UBE2E3: variants seen among roughly 807,000 people sequenced by gnomAD.
The protein encoded by UBE2E3 is ubiquitin conjugating enzyme E2 E3.
In UBE2E3, 5 loss-of-function variants were observed where a neutral mutation model predicts 23.6. That is an observed-to-expected ratio of 0.21 (90% confidence interval 0.11 to 0.44). The LOEUF (loss-of-function observed/expected upper bound fraction) is 0.44. Among genes scored for constraint, UBE2E3 ranks in the 20% least tolerant of loss-of-function variants. UBE2E3 has a pLI of 0.99. For missense variants in UBE2E3, 81 were observed against 249.8 expected, an observed-to-expected ratio of 0.32 and a Z score of 4.55; for synonymous variants, 78 against 87.5, an observed-to-expected ratio of 0.89 and a Z score of 0.60.
chr2:180,989,195 C>G (rs1289666805), intron 3 of UBE2E3, among the ~76,000 whole-genome samples: 1 of 151,994 alleles, frequency 6.6e-6, no homozygotes, highest in Non-Finnish European at 1.5e-5. Flanking sequence ...TTTCAACAAG[C>G]TAATAGTTTC....
chr2:181,005,878 C>T (rs1685134706), intron 3 of UBE2E3, among the ~76,000 whole-genome samples: 1 of 152,152 alleles, frequency 6.6e-6, no homozygotes, highest in Admixed American at 6.5e-5. Context: ...TTACCAAACA[C>T]AGGTTTATGT....
At chr2:180,991,600 A>G (rs1455810607) in intron 3 of UBE2E3, among the ~76,000 whole-genome samples, 1 of 152,238 alleles carries the variant, frequency 6.6e-6, no homozygotes. Flanking sequence ...ATTGTGGCAC[A>G]ACACAAACTC....
chr2:181,016,802 C>G (rs1260724308), intron 3 of UBE2E3, among the ~76,000 whole-genome samples: 8 of 152,088 alleles, frequency 5.3e-5, no homozygotes. Context: ...TAAATAAGAA[C>G]AAAACTTAAC....
intron 3 of UBE2E3, among the ~76,000 whole-genome samples, chr2:181,004,005 C>A (rs1270640398): frequency 6.6e-6 from 1 of 152,200 alleles, no homozygotes; most frequent in African/African-American, 2.4e-5. Context: ...GTCTGTCTGA[C>A]TGAAGGTCAT....
At chr2:181,062,128 T>C (rs1687173511) in intron 5 of UBE2E3, among the ~76,000 whole-genome samples, 2 of 151,690 alleles carry the variant, frequency 1.3e-5, no homozygotes. Context: ...AACAATTGTT[T>C]GCCAGGGAAA....
chr2:181,000,242 T>A (rs1351301115), intron 3 of UBE2E3, among the ~76,000 whole-genome samples: 1 of 152,228 alleles, frequency 6.6e-6, no homozygotes, highest in Non-Finnish European at 1.5e-5. Context: ...TTCTACAACA[T>A]GGGGTTAAGA....
chr2:181,046,473 T>A (rs1310558169), intron 3 of UBE2E3, among the ~76,000 whole-genome samples: 2 of 152,160 alleles, frequency 1.3e-5, no homozygotes, highest in Non-Finnish European at 2.9e-5. Flanking sequence ...GCTTGACACA[T>A]TTATCAACTG....
chr2:180,983,541 T>C (rs1373439106), intron 2 of UBE2E3, among the ~76,000 whole-genome samples: 1 of 152,266 alleles, frequency 6.6e-6, no homozygotes, highest in Non-Finnish European at 1.5e-5. Flanking sequence ...TTTGAAAGTT[T>C]TTCACAAGTA....
intron 3 of UBE2E3, among the ~76,000 whole-genome samples, chr2:180,985,459 T>G (rs1212182363): frequency 1.3e-5 from 2 of 152,208 alleles, no homozygotes; most frequent in Non-Finnish European, 2.9e-5. Context: ...AATAATATTT[T>G]GGATATATTT....
chr2:181,031,224 G>A (rs1346963062), intron 3 of UBE2E3, among the ~76,000 whole-genome samples: 3 of 151,918 alleles, frequency 2.0e-5, no homozygotes, highest in African/African-American at 7.3e-5. Context: ...TCTCTTCTCT[G>A]ATTGTTACAT....
chr2:181,058,860 C>G (rs1399099668), intron 4 of UBE2E3, among the ~76,000 whole-genome samples: 4 of 151,728 alleles, frequency 2.6e-5, no homozygotes, highest in Non-Finnish European at 5.9e-5. Context: ...CATTTACTCT[C>G]AATTACAGCT....
At chr2:181,049,879 A>G (rs1686773587) in intron 3 of UBE2E3, among the ~76,000 whole-genome samples, 1 of 152,046 alleles carries the variant, frequency 6.6e-6, no homozygotes, top group Admixed American at 6.6e-5. Context: ...TAAACAAAAG[A>G]CTATGAAATA....
At chr2:181,048,944 A>G (rs1013885167) in intron 3 of UBE2E3, among the ~76,000 whole-genome samples, 1 of 152,096 alleles carries the variant, frequency 6.6e-6, no homozygotes. Flanking sequence ...AGCCGCCTTG[A>G]TAAGGTTGTT....
intron 3 of UBE2E3, among the ~76,000 whole-genome samples, chr2:181,008,112 A>G (rs1339307134): frequency 6.6e-6 from 1 of 152,212 alleles, no homozygotes; most frequent in Non-Finnish European, 1.5e-5. Flanking sequence ...GGTGATAAAA[A>G]TAAGCAGTTG....
intron 3 of UBE2E3, among the ~76,000 whole-genome samples, chr2:181,012,288 A>G (rs2105609708): frequency 6.6e-6 from 1 of 152,312 alleles, no homozygotes; most frequent in East Asian, 1.9e-4. Context: ...TTCAAATATA[A>G]CTGAAGCAAA....
intron 3 of UBE2E3, among the ~76,000 whole-genome samples, chr2:181,009,924 GTTTT>G (rs1685268433): frequency 1.3e-5 from 2 of 152,040 alleles, no homozygotes; most frequent in South Asian, 4.1e-4. Context: ...AACTTTTCCA[GTTTT>G]TTAATACTTT....
At chr2:181,018,193 T>G (rs1685555423) in intron 3 of UBE2E3, among the ~76,000 whole-genome samples, 1 of 152,136 alleles carries the variant, frequency 6.6e-6, no homozygotes, top group South Asian at 2.1e-4. Flanking sequence ...ATAAAAACAG[T>G]TATACTCTAG....
intron 3 of UBE2E3, among the ~76,000 whole-genome samples, chr2:181,025,727 A>C (rs1004047063): frequency 6.6e-6 from 1 of 151,990 alleles, no homozygotes; most frequent in African/African-American, 2.4e-5. Flanking sequence ...ATATATTAGC[A>C]GTGAAGAATC....
chr2:181,009,610 A>G (rs529345842), intron 3 of UBE2E3, among the ~76,000 whole-genome samples: 87 of 141,876 alleles, frequency 6.1e-4, no homozygotes, highest in African/African-American at 2.0e-3. Context: ...AACCAAATAT[A>G]TTTCAGTATA....
Sources: gnomAD v4.1 joint callset for allele counts (sites outside exome capture counted in the v4.1 genomes callset) on GRCh38, gnomAD v4.1.1 for gene constraint, MANE v1.5 for transcripts, NCBI Gene and HGNC (gene_info 2026-07-23, HGNC 2026-07-21) for gene names.